RNF39: variants seen among roughly 807,000 people sequenced by gnomAD.
RNF39 encodes the protein LTP (long-term potentiation) induced RING finger protein.
In RNF39, 25 loss-of-function variants were observed where a neutral mutation model predicts 29.2. The observed-to-expected ratio is 0.86, with a 90% confidence interval of 0.62 to 1.20. RNF39 has a LOEUF of 1.20. RNF39 is among the 50% of genes most tolerant of loss of function. The pLI is 0.00. For synonymous variants in RNF39, 219 were observed against 229.0 expected (o/e 0.96, Z 0.40); for missense variants, 519 against 515.0 (o/e 1.01, Z -0.08).
Position 30,071,011 on chromosome 6 carries a change from G to A in RNF39, c.*100C>T. 1 of 965,118 alleles carries A rather than the reference G, an allele frequency of 1.0e-6. No homozygotes were observed. The highest frequency in any genetic ancestry group is 1.6e-6 in the Non-Finnish European group (1 of 612,356). 59.8% of individuals were successfully genotyped at this position (965,118 alleles called of 1,614,324 possible). A position where few individuals can be genotyped will look rare whatever the true frequency, so the allele number is the denominator to read the frequency against. ...GGGTTGCTATTAATACTCCTGCAATGGGCGTGTGAATGTGTTCCCAGAAAT... is the reference window on the plus strand; with the variant it reads ...GGGTTGCTATTAATACTCCTGCAATAGGCGTGTGAATGTGTTCCCAGAAAT... On this transcript the variant is annotated 3_prime_UTR_variant, in exon 4 of 4. Coordinates refer to ENST00000244360, the MANE Select transcript of RNF39 (RefSeq NM_025236.4). This position sits in a 1 kb window ranked among gnomAD's most constrained non-coding sequence, Gnocchi z 5.0.
chr6:30,073,163 G>C lies in RNF39; in HGVS notation c.472C>G (p.Leu158Val). The change falls in exon 3 of 4, where the codon CTG (leucine) becomes GTG (valine). Residue 158 changes from leucine to valine, a missense_variant. Physicochemically the swap from Leu to Val is conservative, Grantham distance 32. Coordinates refer to ENST00000244360, the MANE Select transcript of RNF39 (RefSeq NM_025236.4). ...YPVVKKMLHR[L>V]TADLTLDPGT... ...TCCCTTCTTCTTTCCTTACCTGTCA[G>C]TCTATGAAGCATTTTTTTGACCACT... The C allele has an allele frequency of 6.3e-7, 1 of 1,590,350 alleles. No individual in the cohort carries two copies. The highest frequency in any genetic ancestry group is 8.6e-7 in the Non-Finnish European group (1 of 1,158,532).
In RNF39 at chr6:30,075,727, C is replaced by T. The variant is rs1207180969; in HGVS notation, c.-142G>A. 1 of 1,614,252 alleles carries T rather than the reference C, an allele frequency of 6.2e-7. No homozygotes were observed. The stretch of plus-strand genomic sequence containing the variant: ...CATTAACTTTTGCCGCTTTCCGCCC[C>T]TCTCCTGGGATTGCCTCTCTCTTCA... On this transcript the variant is annotated 5_prime_UTR_variant, in exon 1 of 4. Transcript: ENST00000244360.
At position 30,075,232 on chromosome 6, in the gene RNF39, C is replaced by A; in HGVS notation, c.354G>T (p.Leu118=). 6.3e-7 allele frequency: 1 copy of A among 1,591,592 alleles called. No homozygotes were observed. The highest frequency in any genetic ancestry group is 8.5e-7 in the Non-Finnish European group (1 of 1,174,900). Residue 118 remains leucine, a synonymous_variant, in exon 1 of 4, where the codon CTG becomes CTT. Transcript: ENST00000244360. ...GCGCGCCCAGCCTCACCTCTCCGGGCAGGTCCAGGCAGCCCATGGTGGGGA... is the reference window on the plus strand; with the variant it reads ...GCGCGCCCAGCCTCACCTCTCCGGGAAGGTCCAGGCAGCCCATGGTGGGGA... ...GRIPTMGCLD[L]PGEDMRKTWR...
rs1241078525 is a variant in RNF39 at position 30,074,229 on chromosome 6, GGA to G, written c.364-753_364-752del. 6.6e-6 allele frequency among the ~76,000 whole-genome samples: 1 copy of G among 152,164 alleles called. No individual in the cohort carries two copies. Among genetic ancestry groups the G allele is most frequent in the African/African-American group, 2.4e-5 (1 of 41,412 alleles). On this transcript the variant is annotated intron_variant, in intron 1 of 3. Transcript: ENST00000244360. This position sits in a 1 kb window ranked among gnomAD's most constrained non-coding sequence, Gnocchi z 4.1. ...GAGCAGGCCGATATGGTGGAGCGGG[GGA>G]GAGAGAAACAATTTGCATAATTGTG...
At position 30,071,547 on chromosome 6, in the gene RNF39, G is replaced by T. The variant is rs1227404831; in HGVS notation, c.623C>A (p.Ala208Glu). Residue 208 changes from alanine (A) to glutamate (E), a missense_variant, in exon 4 of 4, where the codon GCG becomes GAG. Physicochemically the swap from Ala to Glu is moderately radical, Grantham distance 107 (BLOSUM62 -1). Transcript: ENST00000244360. The surrounding 1 kb of genome is among the most constrained non-coding windows in gnomAD (Gnocchi z 5.0). ...RFDQLPAVLG[A>E]QGFGAGRHCW... ...GTGGCGGCCGGCCCCGAAGCCCTGCGCACCCAGCACAGCTGGGAGCTGATC... is the reference window on the plus strand; with the variant it reads ...GTGGCGGCCGGCCCCGAAGCCCTGCTCACCCAGCACAGCTGGGAGCTGATC... 4 of 1,516,038 alleles carry T rather than the reference G, an allele frequency of 2.6e-6. No individual in the cohort carries two copies. Among genetic ancestry groups the T allele is most frequent in the Non-Finnish European group, 3.5e-6 (4 of 1,137,310 alleles). The allele number at this position is 1,516,038 out of a possible 1,614,324, so 93.9% of individuals were successfully genotyped here. A position where few individuals can be genotyped will look rare whatever the true frequency, so the allele number is the denominator to read the frequency against.
Position 30,073,049 on chromosome 6 carries a change from A to G in RNF39, c.478+108T>C, listed in dbSNP as rs1374270263. Reference sequence around the variant, plus strand: ...GTGCTTCATTAGAGCAGTACTAGGAAACTAATGCAGACATCAAAAAGGACC... The same window carrying G: ...GTGCTTCATTAGAGCAGTACTAGGAGACTAATGCAGACATCAAAAAGGACC... On this transcript the variant is annotated intron_variant, in intron 3 of 3. Transcript: ENST00000244360. 1.3e-5 allele frequency: 10 copies of G among 774,542 alleles called. No individual in the cohort carries two copies. In the East Asian group the frequency reaches 2.2e-4, roughly 17 times the overall value. The allele number at this position is 774,542 out of a possible 1,614,324, so 48.0% of individuals were successfully genotyped here.
At position 30,071,941 on chromosome 6, in the gene RNF39, T is replaced by C. The variant is rs1177716810; in HGVS notation, c.479-250A>G. Reference sequence around the variant, plus strand: ...CTGGGGAAGGATCATACTGGCCCAGTGCAGGGAGCACAGCAGGAAGATCAA... The same window carrying C: ...CTGGGGAAGGATCATACTGGCCCAGCGCAGGGAGCACAGCAGGAAGATCAA... On this transcript the variant is annotated intron_variant, in intron 3 of 3. Transcript: ENST00000244360. This position sits in a 1 kb window ranked among gnomAD's most constrained non-coding sequence, Gnocchi z 5.0. Among the ~76,000 whole-genome samples, 1 of 152,072 alleles carries C rather than the reference T, an allele frequency of 6.6e-6. No individual in the cohort carries two copies. Among genetic ancestry groups the C allele is most frequent in the Non-Finnish European group, 1.5e-5 (1 of 67,994 alleles).
At position 30,074,230 on chromosome 6, in the gene RNF39, G is replaced by A. The variant is rs1766224126; in HGVS notation, c.364-752C>T. 6.6e-6 allele frequency among the ~76,000 whole-genome samples: 1 copy of A among 152,180 alleles called. No individual in the cohort carries two copies. The highest frequency in any genetic ancestry group is 6.5e-5 in the Admixed American group (1 of 15,282). On this transcript the variant is annotated intron_variant, in intron 1 of 3. Transcript: ENST00000244360. The surrounding 1 kb of genome is among the most constrained non-coding windows in gnomAD (Gnocchi z 4.1). ...AGCAGGCCGATATGGTGGAGCGGGG[G>A]AGAGAGAAACAATTTGCATAATTGT...
In RNF39 at chr6:30,072,708, A is replaced by G. The variant is rs1766088866; in HGVS notation, c.478+449T>C. Among the ~76,000 whole-genome samples, 1 of 152,200 alleles carries G rather than the reference A, an allele frequency of 6.6e-6. No homozygotes were observed. Among genetic ancestry groups the G allele is most frequent in the African/African-American group, 2.4e-5 (1 of 41,436 alleles). On this transcript the variant is annotated intron_variant, in intron 3 of 3. Transcript: ENST00000244360. The surrounding 1 kb of genome is among the most constrained non-coding windows in gnomAD (Gnocchi z 4.5). The stretch of plus-strand genomic sequence containing the variant: ...TAGGTTGAAGTCCTCCAAACCTCAG[A>G]ATGTTACCTTGTTTTGAAACAGGAT...
chr6:30,073,393 A>G, intron 2 of RNF39, 63 bp downstream of exon 2: 1 of 1,606,454 alleles, frequency 6.2e-7, no homozygotes, highest in Non-Finnish European at 8.5e-7. Context: ...GTGTGGGCCC[A>G]GTGAGAACGT....
Position 30,071,432 on chromosome 6 carries a change from G to A in RNF39, c.738C>T (p.Gly246=). The A allele has an allele frequency of 6.6e-7, 1 of 1,508,690 alleles. No individual in the cohort carries two copies. The highest frequency in any genetic ancestry group is 8.8e-7 in the Non-Finnish European group (1 of 1,138,194). 93.5% of individuals were successfully genotyped at this position (1,508,690 alleles called of 1,614,324 possible). A position where few individuals can be genotyped will look rare whatever the true frequency, so the allele number is the denominator to read the frequency against. The change falls in exon 4 of 4, where the codon GGC becomes GGT. Residue 246 remains glycine, a synonymous_variant. Transcript: ENST00000244360. The surrounding 1 kb of genome is among the most constrained non-coding windows in gnomAD (Gnocchi z 5.0). ...ADDEESHYAV[G]AAGESVQRKG... is the part of the protein sequence containing the mutation. ...TGCGTTGCACTGATTCCCCGGCCGC[G>A]CCCACTGCATAGTGGCTCTCCTCGT...
Position 30,075,405 on chromosome 6 carries a change from T to C in RNF39, c.181A>G (p.Thr61Ala). 6.4e-7 allele frequency: 1 copy of C among 1,557,742 alleles called. No individual in the cohort carries two copies. Among genetic ancestry groups the C allele is most frequent in the East Asian group, 2.4e-5 (1 of 41,954 alleles). The part of the protein sequence containing the change: ...PPATGTEASP[T>A]ACPCCGLPCP... Reference sequence around the variant, plus strand: ...GGCAGGCCGCAGCAGGGACAGGCGGTGGGGGAAGCCTCGGTGCCGGTCGCC... The same window carrying C: ...GGCAGGCCGCAGCAGGGACAGGCGGCGGGGGAAGCCTCGGTGCCGGTCGCC... Residue 61 changes from threonine to alanine, a missense_variant, in exon 1 of 4, where the codon ACC (threonine) becomes GCC (alanine). Transcript: ENST00000244360.
chr6:30,071,690 G>A lies in RNF39; in HGVS notation c.480C>T (p.Ala160=), dbSNP rs1360304349. The stretch of plus-strand genomic sequence containing the variant: ...CGGTCCCAGGGTCCAGGGTCAGGTC[G>A]GCTGGAGACGGGGAGGCAGGGAGAG... ...VVKKMLHRLT[A]DLTLDPGTAH... The change falls in exon 4 of 4, where the codon GCC becomes GCT. Residue 160 remains alanine (A), a splice_region_variant and synonymous_variant. Transcript: ENST00000244360. This position sits in a 1 kb window ranked among gnomAD's most constrained non-coding sequence, Gnocchi z 5.0. 1.4e-6 allele frequency: 2 copies of A among 1,404,604 alleles called. No individual in the cohort carries two copies. The highest frequency in any genetic ancestry group is 3.1e-5 in the Admixed American group (1 of 31,852). The allele number at this position is 1,404,604 out of a possible 1,614,324, so 87.0% of individuals were successfully genotyped here. A position where few individuals can be genotyped will look rare whatever the true frequency, so the allele number is the denominator to read the frequency against.
intron 1 of RNF39, 59 bp from the exon 2 acceptor site, chr6:30,073,537 C>A: frequency 6.3e-7 from 1 of 1,588,608 alleles, no homozygotes; most frequent in Non-Finnish European, 8.6e-7. Flanking sequence ...CTGGGGCATC[C>A]TTCCCTATCT....
In RNF39 at chr6:30,075,682, GCCCTT is replaced by G; in HGVS notation, c.-102_-98del. 1 of 1,612,802 alleles carries G rather than the reference GCCCTT, an allele frequency of 6.2e-7. No homozygotes were observed. Among genetic ancestry groups the G allele is most frequent in the Non-Finnish European group, 8.5e-7 (1 of 1,179,654 alleles). On this transcript the variant is annotated 5_prime_UTR_variant, in exon 1 of 4. Coordinates refer to ENST00000244360, the MANE Select transcript of RNF39 (RefSeq NM_025236.4). ...CGCCCCTGCTGCTTGCTGTGTAGAT[GCCCTT>G]CTCTCCGACTCCCGCATTAACTTTT...
Position 30,075,343 on chromosome 6 carries a change from C to T in RNF39, c.243G>A (p.Leu81=). ...PRRSLRSNVR[L]AVEVRISREL... ...CGCGGCTGATTCGCACCTCCACCGCCAGCCGCACATTAGACCTCAGGCTGC... is the reference window on the plus strand; with the variant it reads ...CGCGGCTGATTCGCACCTCCACCGCTAGCCGCACATTAGACCTCAGGCTGC... Residue 81 remains leucine (L), a synonymous_variant, in exon 1 of 4, where the codon CTG becomes CTA. Coordinates refer to ENST00000244360, the MANE Select transcript of RNF39 (RefSeq NM_025236.4). The T allele has an allele frequency of 6.3e-7, 1 of 1,592,212 alleles. No homozygotes were observed. The highest frequency in any genetic ancestry group is 1.7e-4 in the Middle Eastern group (1 of 5,992).
At position 30,075,568 on chromosome 6, in the gene RNF39, C is replaced by T. The variant is rs1262787234; in HGVS notation, c.18G>A (p.Leu6=). 3.1e-6 allele frequency: 5 copies of T among 1,606,338 alleles called. No individual in the cohort carries two copies. The highest frequency in any genetic ancestry group is 2.2e-5 in the East Asian group (1 of 44,680). ...CCAGACGCTCCACCAGCCCCGGGCC[C>T]AGCTCGGGCGCATCCATGGAAAGCC... The part of the protein sequence containing the change: MDAPE[L]GPGLVERLEQ... Residue 6 remains leucine (L), a synonymous_variant, in exon 1 of 4, where the codon CTG becomes CTA. Transcript: ENST00000244360.
Position 30,070,861 on chromosome 6 carries a change from G to A in RNF39, c.*250C>T. The A allele has an allele frequency of 4.3e-6, 3 of 694,376 alleles. No individual in the cohort carries two copies. Among genetic ancestry groups the A allele is most frequent in the Non-Finnish European group, 7.9e-6 (3 of 379,950 alleles). 43.0% of individuals were successfully genotyped at this position (694,376 alleles called of 1,614,324 possible). On this transcript the variant is annotated 3_prime_UTR_variant, in exon 4 of 4. Transcript: ENST00000244360. ...TGGTTTGAATGGGAGAAGTCAGGAA[G>A]TACTGTAGTAGCTGTAGGGGAGAGA...
rs972486641 is a variant in RNF39 at position 30,071,324 on chromosome 6, G to C, written c.846C>G (p.Pro282=). Residue 282 remains proline (P), a synonymous_variant, in exon 4 of 4, where the codon CCC becomes CCG. Coordinates refer to ENST00000244360, the MANE Select transcript of RNF39 (RefSeq NM_025236.4). The surrounding 1 kb of genome is among the most constrained non-coding windows in gnomAD (Gnocchi z 5.0). ...CAACACCGCCCAGCAGGGTGGGTTC[G>C]GGTGCCGTGAGGGCCCACAGGCGGC... ...RGGRLWALTA[P]EPTLLGGVEP... 1 of 1,477,240 alleles carries C rather than the reference G, an allele frequency of 6.8e-7. No homozygotes were observed. Among genetic ancestry groups the C allele is most frequent in the African/African-American group, 1.5e-5 (1 of 68,874 alleles). The allele number at this position is 1,477,240 out of a possible 1,614,324, so 91.5% of individuals were successfully genotyped here.
Sources: allele counts gnomAD v4.1 joint callset (sites outside exome capture counted in the v4.1 genomes callset), GRCh38; gene constraint gnomAD v4.1.1; non-coding constraint Gnocchi (gnomAD v3.1); transcripts MANE v1.5; gene names NCBI Gene and HGNC (gene_info 2026-07-23, HGNC 2026-07-21).